Variants in SGCZ observed in about 807,000 individuals in gnomAD.
SGCZ encodes sarcoglycan zeta.
In SGCZ, 40 loss-of-function variants were observed where a neutral mutation model predicts 41.3. The observed-to-expected ratio is 0.97, with a 90% CI of 0.75 to 1.26. The LOEUF (loss-of-function observed/expected upper bound fraction) is 1.26, where lower values mean the gene tolerates loss of function less well. Ranked by LOEUF, SGCZ falls within the 50% of genes most tolerant of loss-of-function variation. SGCZ has a pLI of 0.00. For missense variants in SGCZ, 552 were observed against 369.8 expected (o/e 1.49, Z -4.04); for synonymous variants, 206 against 137.5 (o/e 1.50, Z -3.49).
chr8:14,952,536 T>G (rs947643111), intron 1 of SGCZ, among the ~76,000 whole-genome samples: 19 of 152,262 alleles, frequency 1.2e-4, no homozygotes, highest in African/African-American at 4.6e-4. Flanking sequence ...TTGATAAATT[T>G]GCATTAATTT....
intron 1 of SGCZ, among the ~76,000 whole-genome samples, chr8:14,898,388 C>A (rs543478401): frequency 1.5e-4 from 23 of 152,298 alleles, no homozygotes; most frequent in Non-Finnish European, 1.9e-4. Flanking sequence ...CGCTGAACCT[C>A]TGGGTGTGAT....
chr8:14,195,565 G>C (rs1805241510), intron 4 of SGCZ, among the ~76,000 whole-genome samples: 1 of 152,028 alleles, frequency 6.6e-6, no homozygotes, highest in Non-Finnish European at 1.5e-5. Flanking sequence ...CAAATCCTCA[G>C]CACAAAAATA....
intron 1 of SGCZ, among the ~76,000 whole-genome samples, chr8:15,138,888 T>C (rs1041663122): frequency 6.6e-6 from 1 of 151,548 alleles, no homozygotes; most frequent in Non-Finnish European, 1.5e-5. Flanking sequence ...AAGGATGGAG[T>C]TCAAAAGGGA....
intron 1 of SGCZ, among the ~76,000 whole-genome samples, chr8:15,069,181 G>T (rs567916347): frequency 1.3e-5 from 2 of 151,784 alleles, no homozygotes; most frequent in African/African-American, 4.8e-5. Flanking sequence ...GGTTTTTTTG[G>T]GGTTTTGTTG....
chr8:14,355,241 C>G (rs1326891383), intron 2 of SGCZ, among the ~76,000 whole-genome samples: 2 of 152,002 alleles, frequency 1.3e-5, no homozygotes, highest in Non-Finnish European at 2.9e-5. Context: ...TAATTTATAT[C>G]TTCAATCAGC....
In SGCZ at chr8:14,892,664, A is replaced by G. The variant is rs140810261; in HGVS notation, c.40-337738T>C. On this transcript the variant is annotated intron_variant, in intron 1 of 7. Coordinates refer to ENST00000382080, the MANE Select transcript of SGCZ (RefSeq NM_139167.4). Reference sequence around the variant, plus strand: ...AAGAAAAAATAAGGATTGTTTATACATCAAACTTCCATGGAACTAAGTAAA... The same window carrying G: ...AAGAAAAAATAAGGATTGTTTATACGTCAAACTTCCATGGAACTAAGTAAA... 3.2e-3 allele frequency among the ~76,000 whole-genome samples: 488 copies of G among 152,324 alleles called. 1 individual carries two copies. Among genetic ancestry groups the G allele is most frequent in the Middle Eastern group, 0.02 (6 of 294 alleles).
chr8:14,572,402 T>C (rs1205168315), intron 1 of SGCZ, among the ~76,000 whole-genome samples: 2 of 152,122 alleles, frequency 1.3e-5, no homozygotes, highest in African/African-American at 2.4e-5. Flanking sequence ...TTAACAACAA[T>C]AATAATAATA....
At chr8:14,287,121 C>T (rs773314789) in intron 3 of SGCZ, among the ~76,000 whole-genome samples, 3 of 128,700 alleles carry the variant, frequency 2.3e-5, no homozygotes, top group Non-Finnish European at 5.1e-5. Flanking sequence ...ATATTTGAGT[C>T]AAATAGCACA....
At chr8:14,334,420 G>C (rs974165511) in intron 2 of SGCZ, among the ~76,000 whole-genome samples, 1 of 152,026 alleles carries the variant, frequency 6.6e-6, no homozygotes, top group Non-Finnish European at 1.5e-5. Flanking sequence ...TGTGCACCTA[G>C]TTAGCTACTC....
chr8:14,141,560 C>A (rs571597000), intron 5 of SGCZ, among the ~76,000 whole-genome samples: 22 of 152,124 alleles, frequency 1.4e-4, no homozygotes, highest in Admixed American at 1.4e-3. Flanking sequence ...CAGACACATG[C>A]AAAAAGGCTC....
chr8:14,795,756 G>C (rs764070449), intron 1 of SGCZ, among the ~76,000 whole-genome samples: 1 of 152,074 alleles, frequency 6.6e-6, no homozygotes, highest in Non-Finnish European at 1.5e-5. Context: ...TTGTTGTACA[G>C]ATTATTTTAT....
chr8:14,718,899 A>T (rs531866172), intron 1 of SGCZ, among the ~76,000 whole-genome samples: 50,845 of 144,834 alleles, frequency 0.35, 10,733 homozygotes, highest in African/African-American at 0.58. Flanking sequence ...CATGTGCACC[A>T]TGTGCAGGTT....
chr8:14,367,061 C>T (rs1425620188), intron 2 of SGCZ, among the ~76,000 whole-genome samples: 1 of 152,090 alleles, frequency 6.6e-6, no homozygotes. Flanking sequence ...CTTTAATGCT[C>T]TGCTTTCTCC....
chr8:14,637,654 G>T (rs1489304051), intron 1 of SGCZ, among the ~76,000 whole-genome samples: 1 of 151,726 alleles, frequency 6.6e-6, no homozygotes, highest in African/African-American at 2.4e-5. Context: ...ACATGATTCC[G>T]TTCTTTTTTA....
At chr8:14,467,171 C>G (rs78916179) in intron 2 of SGCZ, among the ~76,000 whole-genome samples, 2,815 of 151,866 alleles carry the variant, frequency 0.019, 75 homozygotes, top group African/African-American at 0.062. Context: ...GTGACTTCTC[C>G]TGGACATTCA....
At chr8:14,821,798 G>A (rs946073097) in intron 1 of SGCZ, among the ~76,000 whole-genome samples, 3 of 151,888 alleles carry the variant, frequency 2.0e-5, no homozygotes, top group Non-Finnish European at 4.4e-5. Flanking sequence ...AACAAATTAG[G>A]TATAAATGGC....
intron 1 of SGCZ, among the ~76,000 whole-genome samples, chr8:14,975,781 T>C (rs1801448146): frequency 8.8e-6 from 1 of 113,576 alleles, no homozygotes; most frequent in Admixed American, 1.1e-4. Flanking sequence ...CTCCACTTTT[T>C]TCCACTTTTA....
In SGCZ at chr8:15,122,127, C is replaced by T. The variant is rs538061438; in HGVS notation, c.39+115458G>A. Among the ~76,000 whole-genome samples, 3 of 151,778 alleles carry T rather than the reference C, an allele frequency of 2.0e-5. No individual in the cohort carries two copies. The East Asian group carries it at 5.8e-4, about 29-fold the overall frequency. On this transcript the variant is annotated intron_variant, in intron 1 of 7. Transcript: ENST00000382080. ...GATAAAATAATTCCAGACACCCCCC[C>T]ACCCCTCCAACTCTATCATATCATG...
At chr8:14,537,521 C>G (rs1182740531) in intron 2 of SGCZ, among the ~76,000 whole-genome samples, 2 of 151,562 alleles carry the variant, frequency 1.3e-5, no homozygotes, top group Non-Finnish European at 2.9e-5. Flanking sequence ...GTTTGAGAAC[C>G]CTAGTATCTG....
Sources: gnomAD v4.1 joint callset for allele counts (sites outside exome capture counted in the v4.1 genomes callset) on GRCh38, gnomAD v4.1.1 for gene constraint, MANE v1.5 for transcripts, NCBI Gene and HGNC (gene_info 2026-07-23, HGNC 2026-07-21) for gene names.